Variants in COXFA4 observed in about 807,000 individuals in gnomAD.
The protein encoded by COXFA4 is cytochrome c oxidase subunit FA4.
At chr7:10,934,040 A>G in the COXFA4 span, among the ~76,000 whole-genome samples, 1 of 152,242 alleles carries the variant, frequency 6.6e-6, no homozygotes, top group African/African-American at 2.4e-5. Flanking sequence ...CCTTAACTCT[A>G]CTAAGTACGT....
chr7:10,938,237 T>A, the COXFA4 span: 1 of 1,132,748 alleles, frequency 8.8e-7, no homozygotes, highest in Non-Finnish European at 1.3e-6. Context: ...AGATCAATCT[T>A]ATTTTCTATT....
chr7:10,937,864 T>C, the COXFA4 span: 1 of 552,262 alleles, frequency 1.8e-6, no homozygotes, highest in East Asian at 3.1e-5. Context: ...TGGTAAATGA[T>C]AGCTATACTA....
At chr7:10,932,378 C>A in the COXFA4 span, 1 of 152,224 alleles carries the variant, frequency 6.6e-6, no homozygotes, top group African/African-American at 2.4e-5. Context: ...TTCAAAACTA[C>A]ATGGGTGTAA....
chr7:10,934,702 T>C, the COXFA4 span, among the ~76,000 whole-genome samples: 1 of 152,200 alleles, frequency 6.6e-6, no homozygotes, highest in African/African-American at 2.4e-5. Context: ...CCCGAACTTA[T>C]TTATTTCTGA....
chr7:10,937,075 C>A, the COXFA4 span, among the ~76,000 whole-genome samples: 1 of 151,944 alleles, frequency 6.6e-6, no homozygotes, highest in South Asian at 2.1e-4. Context: ...GAGTAATAAT[C>A]CATCATAGAT....
chr7:10,934,279 T>A, the COXFA4 span, among the ~76,000 whole-genome samples: 1 of 151,936 alleles, frequency 6.6e-6, no homozygotes, highest in East Asian at 1.9e-4. Context: ...TGGTAATGGC[T>A]TTTAAATAAT....
At chr7:10,936,333 G>A in the COXFA4 span, among the ~76,000 whole-genome samples, 1 of 152,140 alleles carries the variant, frequency 6.6e-6, no homozygotes, top group African/African-American at 2.4e-5. Context: ...GGCATGTGTT[G>A]TGATATTTCA....
chr7:10,939,654 T>C, the COXFA4 span: 7 of 319,490 alleles, frequency 2.2e-5, no homozygotes, highest in African/African-American at 6.3e-5. Context: ...GTATAACACA[T>C]AGGGAACCTG....
chr7:10,936,856 C>T, the COXFA4 span, among the ~76,000 whole-genome samples: 2 of 151,996 alleles, frequency 1.3e-5, no homozygotes, highest in Non-Finnish European at 2.9e-5. Context: ...GCCAACACGG[C>T]AAAACCCCAT....
the COXFA4 span, among the ~76,000 whole-genome samples, chr7:10,936,929 A>G: frequency 6.6e-6 from 1 of 152,072 alleles, no homozygotes; most frequent in Non-Finnish European, 1.5e-5. Flanking sequence ...CCAGCTACTC[A>G]GGAGAGTGAG....
the COXFA4 span, among the ~76,000 whole-genome samples, chr7:10,935,273 T>C: frequency 1.3e-5 from 2 of 152,226 alleles, no homozygotes; most frequent in Admixed American, 1.3e-4. Flanking sequence ...TCAACTTCCC[T>C]ACCTCTATTC....
the COXFA4 span, chr7:10,938,659 T>C: frequency 6.3e-6 from 4 of 630,178 alleles, no homozygotes; most frequent in Admixed American, 1.1e-4. Context: ...AAAAAGTAAA[T>C]GAAAACAGCA....
chr7:10,936,758 C>T, the COXFA4 span, among the ~76,000 whole-genome samples: 4 of 152,112 alleles, frequency 2.6e-5, no homozygotes, highest in Non-Finnish European at 4.4e-5. Flanking sequence ...TATCAGGCTG[C>T]GGGCACAGTG....
chr7:10,932,314 A>G, the COXFA4 span: 1 of 152,240 alleles, frequency 6.6e-6, no homozygotes, highest in Admixed American at 6.5e-5. Flanking sequence ...TACCTGACAC[A>G]TAGGAGGTAA....
chr7:10,932,496 A>C, the COXFA4 span: 1 of 152,226 alleles, frequency 6.6e-6, no homozygotes, highest in African/African-American at 2.4e-5. Context: ...TCAGTTCCTG[A>C]CATTTAAAAT....
At chr7:10,938,065 A>C in the COXFA4 span, 1 of 1,604,726 alleles carries the variant, frequency 6.2e-7, no homozygotes, top group Non-Finnish European at 8.5e-7. Context: ...ATTTCTAACA[A>C]CTTTAAAACA....
At chr7:10,935,833 G>T in the COXFA4 span, among the ~76,000 whole-genome samples, 21 of 151,954 alleles carry the variant, frequency 1.4e-4, no homozygotes, top group East Asian at 3.3e-3. Context: ...GGCTTACAAC[G>T]ACAAAAGTTC....
At chr7:10,937,873 T>C in the COXFA4 span, 1 of 569,182 alleles carries the variant, frequency 1.8e-6, no homozygotes, top group Non-Finnish European at 3.1e-6. Flanking sequence ...ATAGCTATAC[T>C]ATTTTTCCTT....
the COXFA4 span, among the ~76,000 whole-genome samples, chr7:10,936,531 A>C: frequency 1.3e-5 from 2 of 152,252 alleles, no homozygotes; most frequent in African/African-American, 2.4e-5. Flanking sequence ...TAGTTTAAAC[A>C]AATTCATAAA....
Sources: gnomAD v4.1 joint callset for allele counts (sites outside exome capture counted in the v4.1 genomes callset) on GRCh38, gnomAD v4.1.1 for gene constraint, MANE v1.5 for transcripts, NCBI Gene and HGNC (gene_info 2026-07-23, HGNC 2026-07-21) for gene names.